Variants in RBFOX1 observed in about 807,000 individuals in gnomAD.
RBFOX1 encodes the protein RNA binding protein fox-1 homolog 1.
Under a neutral mutation model 57.7 loss-of-function variants are expected in RBFOX1, and 8 were observed. The ratio of observed to expected loss-of-function variants is 0.14; its 90% CI spans 0.08 to 0.25. RBFOX1 has a LOEUF of 0.25. RBFOX1 is among the 10% of genes least tolerant of loss of function. The pLI is 1.00. For missense variants in RBFOX1, 611 were observed against 548.5 expected (o/e 1.11, Z -1.14); for synonymous variants, 326 against 222.4 (o/e 1.47, Z -4.15).
chr16:6,578,823 G>A lies in RBFOX1; in HGVS notation c.-63-75780G>A, dbSNP rs181086059. Among the ~76,000 whole-genome samples the A allele has an allele frequency of 1.6e-3, 241 of 151,808 alleles. 1 individual carries two copies. The highest frequency in any genetic ancestry group is 5.6e-3 in the African/African-American group (230 of 41,378). ...TAGATTTTTTTAAGTATATTTCCTG[G>A]TTGCTAAAAAATAATCTTTGCTCGA... On this transcript the variant is annotated intron_variant, in intron 2 of 15. Transcript: ENST00000550418.
chr16:5,417,756 C>T (rs1470044073), intron 1 of RBFOX1, among the ~76,000 whole-genome samples: 1 of 152,102 alleles, frequency 6.6e-6, no homozygotes, highest in Non-Finnish European at 1.5e-5. Flanking sequence ...GTGACTGTGT[C>T]TTCACAGACT....
intron 1 of RBFOX1, among the ~76,000 whole-genome samples, chr16:5,345,664 T>C (rs1470649468): frequency 1.3e-5 from 2 of 152,196 alleles, no homozygotes; most frequent in East Asian, 3.9e-4. Flanking sequence ...CAGGAGCCAC[T>C]TGCTGAGCAG....
intron 1 of RBFOX1, among the ~76,000 whole-genome samples, chr16:6,237,609 G>A (rs1203081357): frequency 1.2e-4 from 18 of 151,986 alleles, no homozygotes; most frequent in African/African-American, 4.4e-4. Flanking sequence ...GGGCGTGGTG[G>A]TGAGAGCCTG....
intron 1 of RBFOX1, among the ~76,000 whole-genome samples, chr16:6,254,724 A>G (rs552473108): frequency 6.6e-6 from 1 of 152,346 alleles, no homozygotes. Flanking sequence ...AGCATTTTGA[A>G]AAACCTCTTT....
At chr16:6,617,257 A>G (rs573417925) in intron 2 of RBFOX1, among the ~76,000 whole-genome samples, 4 of 151,994 alleles carry the variant, frequency 2.6e-5, no homozygotes, top group East Asian at 2.0e-4. Context: ...CATGAAGCAA[A>G]TATTGTCTAG....
intron 3 of RBFOX1, among the ~76,000 whole-genome samples, chr16:6,925,783 A>G (rs1053227722): frequency 3.9e-5 from 6 of 152,058 alleles, no homozygotes; most frequent in African/African-American, 9.7e-5. Context: ...TAGGGATGAT[A>G]TTTAGAAATA....
chr16:6,499,310 C>G (rs909238282), intron 2 of RBFOX1, among the ~76,000 whole-genome samples: 3 of 151,872 alleles, frequency 2.0e-5, no homozygotes, highest in South Asian at 2.1e-4. Context: ...ATGCACTAAT[C>G]GAGCCATTAT....
intron 11 of RBFOX1, among the ~76,000 whole-genome samples, chr16:7,648,996 G>C (rs2064350530): frequency 6.6e-6 from 1 of 152,164 alleles, no homozygotes; most frequent in Admixed American, 6.5e-5. Flanking sequence ...CTAAGTTTCA[G>C]TTGTGTTACA....
intron 3 of RBFOX1, among the ~76,000 whole-genome samples, chr16:6,709,381 ACTTGTTATT>A (rs1405930129): frequency 3.3e-5 from 5 of 152,194 alleles, no homozygotes; most frequent in African/African-American, 1.2e-4. Flanking sequence ...AGCATGCATC[ACTTGTTATT>A]CTGTGGAAGA....
intron 3 of RBFOX1, among the ~76,000 whole-genome samples, chr16:5,614,278 G>A (rs2047937051): frequency 6.6e-6 from 1 of 152,124 alleles, no homozygotes; most frequent in Non-Finnish European, 1.5e-5. Flanking sequence ...GGACTAAACA[G>A]AAACTTCATT....
intron 2 of RBFOX1, among the ~76,000 whole-genome samples, chr16:6,409,415 A>G (rs541944956): frequency 6.6e-6 from 1 of 152,348 alleles, no homozygotes; most frequent in East Asian, 1.9e-4. Context: ...ACCCGGTCTC[A>G]AAACAAAACA....
intron 4 of RBFOX1, among the ~76,000 whole-genome samples, chr16:7,389,520 A>T (rs1169523831): frequency 6.6e-6 from 1 of 152,218 alleles, no homozygotes; most frequent in Admixed American, 6.5e-5. Flanking sequence ...GACCAAAGAT[A>T]TCATTGCTTA....
At chr16:5,454,870 CTTTCTT>C (rs1567534928) in intron 1 of RBFOX1, among the ~76,000 whole-genome samples, 2 of 55,048 alleles carry the variant, frequency 3.6e-5, no homozygotes, top group African/African-American at 6.1e-5. Flanking sequence ...TTCTTTCTTT[CTTTCTT>C]TCTTTCTTTC....
At chr16:7,430,537 C>T (rs1424345841) in intron 4 of RBFOX1, among the ~76,000 whole-genome samples, 2 of 151,982 alleles carry the variant, frequency 1.3e-5, no homozygotes, top group African/African-American at 4.8e-5. Context: ...TGGCACGTGC[C>T]TGTAGTCCCA....
chr16:7,286,794 T>C (rs538908603), intron 4 of RBFOX1, among the ~76,000 whole-genome samples: 259 of 151,530 alleles, frequency 1.7e-3, no homozygotes, highest in African/African-American at 6.0e-3. Context: ...TGGCTAATTT[T>C]GTTTTTGTAT....
chr16:5,833,113 A>G (rs1228361841), intron 3 of RBFOX1, among the ~76,000 whole-genome samples: 1 of 152,202 alleles, frequency 6.6e-6, no homozygotes. Flanking sequence ...TAAGAACCCC[A>G]TACTAGAGCC....
intron 11 of RBFOX1, among the ~76,000 whole-genome samples, chr16:7,634,621 A>T (rs533512214): frequency 6.6e-6 from 1 of 152,204 alleles, no homozygotes; most frequent in Non-Finnish European, 1.5e-5. Context: ...CCCAGGACTC[A>T]TAAAAGTATT....
intron 4 of RBFOX1, among the ~76,000 whole-genome samples, chr16:7,290,724 T>C (rs2095753491): frequency 6.6e-6 from 1 of 152,230 alleles, no homozygotes; most frequent in South Asian, 2.1e-4. Context: ...TCATGGGACA[T>C]GTGCGTGTCC....
intron 1 of RBFOX1, among the ~76,000 whole-genome samples, chr16:5,399,561 A>G (rs189481136): frequency 2.1e-4 from 32 of 152,118 alleles, no homozygotes; most frequent in African/African-American, 7.5e-4. Context: ...AAACATGGCA[A>G]GACCCTGCAA....
Sources: allele counts gnomAD v4.1 joint callset (sites outside exome capture counted in the v4.1 genomes callset), GRCh38; gene constraint gnomAD v4.1.1; transcripts MANE v1.5; gene names NCBI Gene and HGNC (gene_info 2026-07-23, HGNC 2026-07-21).